JMJD1C: variants seen among roughly 807,000 people sequenced by gnomAD.
JMJD1C encodes the protein jumonji domain containing 1C.
Under a neutral mutation model 245.3 loss-of-function variants are expected in JMJD1C, and 31 were observed. That is an observed-to-expected ratio of 0.13 (90% CI 0.09 to 0.17). JMJD1C has a LOEUF of 0.17. Among genes scored for constraint, JMJD1C ranks in the 10% least tolerant of loss-of-function variants. The pLI is 1.00. For missense variants in JMJD1C, 2,691 were observed against 3,000.2 expected, an observed-to-expected ratio of 0.90 and a Z score of 2.41; for synonymous variants, 1,057 against 1,017.4, an observed-to-expected ratio of 1.04 and a Z score of -0.74.
At chr10:63,292,734 T>C (rs1201455600) in intron 2 of JMJD1C, among the ~76,000 whole-genome samples, 1 of 152,100 alleles carries the variant, frequency 6.6e-6, no homozygotes. Flanking sequence ...TCACCTACCA[T>C]TCTTAATGTC....
At position 63,406,700 on chromosome 10, in the gene JMJD1C, A is replaced by T. The variant is rs1341626987; in HGVS notation, c.169-26218T>A. On this transcript the variant is annotated intron_variant, in intron 1 of 25. Coordinates refer to ENST00000399262, the MANE Select transcript of JMJD1C (RefSeq NM_032776.3). ...TCTTAGGAATAAAATAAAAAAATAA[A>T]AACTCAATAATACAGCACAAGCAGG... Among the ~76,000 whole-genome samples the T allele has an allele frequency of 2.0e-5, 3 of 152,286 alleles. No homozygotes were observed. In the East Asian group the frequency reaches 5.8e-4, roughly 29 times the overall value.
chr10:63,450,525 C>T (rs1043070549), intron 1 of JMJD1C, among the ~76,000 whole-genome samples: 3 of 151,910 alleles, frequency 2.0e-5, no homozygotes, highest in African/African-American at 7.3e-5. Flanking sequence ...GATGGTTCAA[C>T]ACACAAAAGT....
chr10:63,211,625 A>T (rs1365341919), intron 8 of JMJD1C, among the ~76,000 whole-genome samples: 1 of 151,994 alleles, frequency 6.6e-6, no homozygotes, highest in African/African-American at 2.4e-5. Context: ...TGTAAAAAAT[A>T]TTATCCCTGA....
intron 1 of JMJD1C, among the ~76,000 whole-genome samples, chr10:63,426,788 G>GT (rs1950466761): frequency 6.6e-6 from 1 of 152,018 alleles, no homozygotes. Context: ...TTCACCACTA[G>GT]TTTTAGAAGT....
chr10:63,313,195 G>A (rs9415689), intron 2 of JMJD1C, among the ~76,000 whole-genome samples: 2,227 of 152,252 alleles, frequency 0.015, 51 homozygotes, highest in African/African-American at 0.051. Context: ...GAGAACATAC[G>A]ATGTTTGGTT....
chr10:63,211,823 C>CA (rs59121081), intron 8 of JMJD1C, among the ~76,000 whole-genome samples: 6,639 of 75,114 alleles, frequency 0.088, 228 homozygotes, highest in African/African-American at 0.16. Context: ...GACTCTGTCT[C>CA]AAAAAAAAAA....
intron 1 of JMJD1C, among the ~76,000 whole-genome samples, chr10:63,401,680 T>C (rs753264769): frequency 2.6e-5 from 4 of 152,092 alleles, no homozygotes; most frequent in East Asian, 1.9e-4. Context: ...GCTTTGGGGA[T>C]TGTTTTATAA....
intron 2 of JMJD1C, among the ~76,000 whole-genome samples, chr10:63,278,888 T>C (rs1014952627): frequency 6.6e-6 from 1 of 151,642 alleles, no homozygotes; most frequent in Non-Finnish European, 1.5e-5. Context: ...TGATATGTTA[T>C]TCATTCATTT....
chr10:63,492,753 T>C (rs1259585006), intron 1 of JMJD1C, among the ~76,000 whole-genome samples: 1 of 152,072 alleles, frequency 6.6e-6, no homozygotes, highest in Non-Finnish European at 1.5e-5. Context: ...TCACTAAAAA[T>C]ATAAGAAAAA....
intron 2 of JMJD1C, among the ~76,000 whole-genome samples, chr10:63,338,529 C>G (rs1265795285): frequency 6.6e-6 from 1 of 151,918 alleles, no homozygotes; most frequent in African/African-American, 2.4e-5. Flanking sequence ...TAAGATAGAC[C>G]TAGATATAGT....
At chr10:63,315,276 C>T (rs1003650916) in intron 2 of JMJD1C, among the ~76,000 whole-genome samples, 1 of 152,152 alleles carries the variant, frequency 6.6e-6, no homozygotes, top group Non-Finnish European at 1.5e-5. Flanking sequence ...TCCTACCTCC[C>T]CCATCTAGCA....
intron 1 of JMJD1C, among the ~76,000 whole-genome samples, chr10:63,386,110 A>C (rs182482732): frequency 7.0e-4 from 107 of 152,018 alleles, no homozygotes; most frequent in East Asian, 4.9e-3. Context: ...ACACACACAC[A>C]CCCCAAAAAG....
chr10:63,366,068 C>T (rs1443644655), intron 2 of JMJD1C, among the ~76,000 whole-genome samples: 1 of 152,148 alleles, frequency 6.6e-6, no homozygotes. Flanking sequence ...AGCACATAGA[C>T]CCTACTATAT....
At chr10:63,335,822 T>TAA (rs533283891) in intron 2 of JMJD1C, among the ~76,000 whole-genome samples, 1 of 144,454 alleles carries the variant, frequency 6.9e-6, no homozygotes, top group African/African-American at 2.5e-5. Context: ...AATATTTTCC[T>TAA]AAAAAAAAAA....
At chr10:63,222,867 T>C in intron 3 of JMJD1C, 1 of 1,459,692 alleles carries the variant, frequency 6.9e-7, no homozygotes, top group Non-Finnish European at 9.6e-7. Flanking sequence ...TCAAAATATA[T>C]AAAAACTGCA....
intron 1 of JMJD1C, among the ~76,000 whole-genome samples, chr10:63,444,360 G>A (rs1440609537): frequency 1.3e-5 from 2 of 151,930 alleles, no homozygotes; most frequent in African/African-American, 4.8e-5. Context: ...CGCAACCTCC[G>A]CCTCCCAGGT....
intron 1 of JMJD1C, among the ~76,000 whole-genome samples, chr10:63,511,676 C>G (rs1437128154): frequency 3.3e-5 from 5 of 151,932 alleles, no homozygotes; most frequent in Non-Finnish European, 7.4e-5. Context: ...GAGATCGCAC[C>G]ACTGCACTCC....
intron 2 of JMJD1C, among the ~76,000 whole-genome samples, chr10:63,271,168 C>CT (rs896941052): frequency 1.3e-5 from 2 of 151,692 alleles, no homozygotes; most frequent in Non-Finnish European, 2.9e-5. Flanking sequence ...TGTAAATAGT[C>CT]TTTTTTTTCT....
At position 63,400,399 on chromosome 10, in the gene JMJD1C, G is replaced by GGT. The variant is rs143782057; in HGVS notation, c.169-19919_169-19918dup. On this transcript the variant is annotated intron_variant, in intron 1 of 25. Transcript: ENST00000399262. ...CTCTCCTCTAGAGTCTCACCAATTG[G>GGT]GTGTGTTGTCCATTGAGGGAAGAGA... Among the ~76,000 whole-genome samples the GGT allele has an allele frequency of 3.5e-3, 538 of 152,188 alleles. 4 individuals carry two copies. Among genetic ancestry groups the GGT allele is most frequent in the African/African-American group, 0.012 (506 of 41,494 alleles).
Sources: gnomAD v4.1 joint callset for allele counts (sites outside exome capture counted in the v4.1 genomes callset) on GRCh38, gnomAD v4.1.1 for gene constraint, MANE v1.5 for transcripts, NCBI Gene and HGNC (gene_info 2026-07-23, HGNC 2026-07-21) for gene names.